Variants in FRG2C observed in about 807,000 individuals in gnomAD.
The protein encoded by FRG2C is protein FRG2-like-2.
FRG2C carries 8 observed loss-of-function variants against 14.1 expected under a neutral mutation model. That is an observed-to-expected ratio of 0.57 (90% CI 0.33 to 1.02). The LOEUF is 1.02. Among genes scored for constraint, FRG2C ranks in the 50% least tolerant of loss-of-function variants. The pLI is 0.03. For synonymous variants in FRG2C, 92 were observed against 127.4 expected (o/e 0.72, Z 1.87); for missense variants, 214 against 334.2 (o/e 0.64, Z 2.80).
rs1414006389 is a variant in FRG2C, at chr3:75,666,085, C to A, written c.*44C>A. 6.2e-7 allele frequency: 1 copy of A among 1,611,496 alleles called. No individual in the cohort carries two copies. Among genetic ancestry groups the A allele is most frequent in the Admixed American group, 1.7e-5 (1 of 59,958 alleles). ...CAGCTCTGGGAATGAGAACAAGGAC[C>A]TGCTTCTTCTCAGATTCTTCCAGAC... On this transcript the variant is annotated 3_prime_UTR_variant, in exon 4 of 4. Transcript: ENST00000308062.
intron 3 of FRG2C, 22 bp from the exon 4 acceptor site, chr3:75,665,505 C>A: frequency 3.7e-6 from 6 of 1,607,502 alleles, no homozygotes; most frequent in Non-Finnish European, 8.5e-7. Context: ...TCTGGTGAGT[C>A]TCTCACATGC....
rs1251264650 is a variant in FRG2C at position 75,664,819 on chromosome 3, C to T, written c.179C>T (p.Ala60Val). 1.2e-6 allele frequency: 2 copies of T among 1,614,186 alleles called. No homozygotes were observed. ...HSSEKHTQRQ[A>V]GSDPNPNKEN... ...GAGCCATCTAAACCTTCTCTTGCAG[C>T]AGGATCAGATCCCAATCCAAACAAG... Residue 60 changes from alanine to valine, a missense_variant and splice_region_variant, in exon 2 of 4, where the codon GCA (alanine) becomes GTA (valine). By Grantham distance (64) the Ala-to-Val change is moderately conservative. Coordinates refer to ENST00000308062, the MANE Select transcript of FRG2C (RefSeq NM_001124759.5).
chr3:75,665,035 GGTAACCT>G lies in FRG2C; in HGVS notation c.257-90_257-84del, dbSNP rs1318603137. 4.9e-4 allele frequency: 765 copies of G among 1,571,576 alleles called. No homozygotes were observed. The African/African-American group carries it at 9.5e-3, about 20-fold the overall frequency. ...GAACAGAAGAGAGCTGGGGTTTGGCGGTAACCTCAGCTCCTGTGTGTCCAGGATGGAC... is the reference window on the plus strand; with the variant it reads ...GAACAGAAGAGAGCTGGGGTTTGGCGCAGCTCCTGTGTGTCCAGGATGGAC... On this transcript the variant is annotated intron_variant, in intron 2 of 3. Coordinates refer to ENST00000308062, the MANE Select transcript of FRG2C (RefSeq NM_001124759.5).
Position 75,666,500 on chromosome 3 carries a change from C to A in FRG2C, c.*459C>A, listed in dbSNP as rs1173250355. ...GTTCAAACAATTCTCATGCCTCAGC[C>A]TCCCAAGTAGCTGGGACTACAGGCA... On this transcript the variant is annotated 3_prime_UTR_variant, in exon 4 of 4. Transcript: ENST00000308062. The A allele has an allele frequency of 4.1e-6, 1 of 242,544 alleles. No individual in the cohort carries two copies. Among genetic ancestry groups the A allele is most frequent in the Non-Finnish European group, 7.9e-6 (1 of 126,886 alleles). 15.0% of individuals were successfully genotyped at this position (242,544 alleles called of 1,614,324 possible).
chr3:75,665,492 T>A (rs1204077658), intron 3 of FRG2C, 35 bp from the exon 4 acceptor site: 13 of 1,595,828 alleles, frequency 8.1e-6, no homozygotes, highest in Non-Finnish European at 1.1e-5. Flanking sequence ...CTGTGGGGAC[T>A]GCTCTGGTGA....
rs1327236230 is a variant in FRG2C, at chr3:75,665,144, A to T, written c.275A>T (p.Tyr92Phe). 4 of 1,614,136 alleles carry T rather than the reference A, an allele frequency of 2.5e-6. No homozygotes were observed. The highest frequency in any genetic ancestry group is 2.5e-6 in the Non-Finnish European group (3 of 1,179,898). The part of the protein sequence containing the change: ...TAGSEPESSS[Y>F]QENCRKRKIS... The stretch of plus-strand genomic sequence containing the variant: ...TTCACAGAACCAGAGTCCAGCTCAT[A>T]TCAGGAAAACTGCAGGAAAAGAAAA... The change falls in exon 3 of 4, where the codon TAT becomes TTT. Residue 92 changes from tyrosine to phenylalanine, a missense_variant. Tyr to Phe is a conservative substitution (Grantham distance 22). Transcript: ENST00000308062.
At position 75,664,329 on chromosome 3, in the gene FRG2C, C is replaced by T. The variant is rs1559553144; in HGVS notation, c.-51C>T. On this transcript the variant is annotated 5_prime_UTR_variant, in exon 1 of 4. Transcript: ENST00000308062. ...AAGGCAGGTCTAGCAGACTAACCCA[C>T]ACTCTGCCTTTGGACATGTGAGAGA... The T allele has an allele frequency of 6.8e-6, 11 of 1,607,342 alleles. No individual in the cohort carries two copies. Among genetic ancestry groups the T allele is most frequent in the African/African-American group, 1.4e-5 (1 of 70,808 alleles).
Position 75,665,729 on chromosome 3 carries a change from T to A in FRG2C, c.537T>A (p.Ser179=). Residue 179 remains serine, a synonymous_variant, in exon 4 of 4, where the codon TCT becomes TCA. Transcript: ENST00000308062. ...CACTTCGAAAAAGCTTGGTGACCTC[T>A]GTGCGAGCTATGTCGGAGGCTGTTT... ...TPSLRKSLVT[S]VRAMSEAVYQ... is the part of the protein sequence containing the mutation. 6.2e-7 allele frequency: 1 copy of A among 1,614,066 alleles called. No individual in the cohort carries two copies. Among genetic ancestry groups the A allele is most frequent in the Non-Finnish European group, 8.5e-7 (1 of 1,179,882 alleles).
chr3:75,665,659 G>A lies in FRG2C; in HGVS notation c.467G>A (p.Arg156His), dbSNP rs1156667983. 8.7e-6 allele frequency: 14 copies of A among 1,613,938 alleles called. No homozygotes were observed. The highest frequency in any genetic ancestry group is 2.2e-5 in the East Asian group (1 of 44,904). ...GGAAGTTCCAGGGCTTGCACTGGGC[G>A]CAGCAAGCGGCATAGGTCTCGGGCC... ...HRGSSRACTGRSKRHRSRALE... is the reference protein window; with the variant it reads ...HRGSSRACTGHSKRHRSRALE... Residue 156 changes from arginine to histidine, a missense_variant, in exon 4 of 4, where the codon CGC becomes CAC. By Grantham distance (29) the Arg-to-His change is conservative. This residue lies in a region of FRG2C where 136 missense variants were observed against 148.1 expected (regional missense o/e 0.92). Transcript: ENST00000308062.
intron 3 of FRG2C, 52 bp from the exon 4 acceptor site, chr3:75,665,475 T>C: frequency 6.3e-7 from 1 of 1,575,806 alleles, no homozygotes; most frequent in Non-Finnish European, 8.6e-7. Flanking sequence ...GTTCTGGAAA[T>C]GAGGGTCTGT....
intron 1 of FRG2C, 86 bp downstream of exon 1, chr3:75,664,643 T>A: frequency 6.2e-7 from 1 of 1,607,286 alleles, no homozygotes. Context: ...AGGGTTTTAT[T>A]TTGAGATTTG....
Position 75,666,263 on chromosome 3 carries a change from A to C in FRG2C, c.*222A>C. ...AGACAAATTTTATATTTCATGTTAGACATTTGATACCTTTTGGATGTCTGA... is the reference window on the plus strand; with the variant it reads ...AGACAAATTTTATATTTCATGTTAGCCATTTGATACCTTTTGGATGTCTGA... On this transcript the variant is annotated 3_prime_UTR_variant, in exon 4 of 4. Transcript: ENST00000308062. 1 of 941,208 alleles carries C rather than the reference A, an allele frequency of 1.1e-6. No homozygotes were observed. The allele number at this position is 941,208 out of a possible 1,614,324, so 58.3% of individuals were successfully genotyped here.
rs1364990879 is a variant in FRG2C at position 75,665,200 on chromosome 3, G to A, written c.331G>A (p.Ala111Thr). The stretch of plus-strand genomic sequence containing the variant: ...TTCCAAGGATATCTGCCAAGACAGA[G>A]CAGGTAGAATCTTGGTGTTTGTTGT... ...ISSKDICQDR[A>T]GNCPEEECNL... The change falls in exon 3 of 4, where the codon GCA becomes ACA. Residue 111 changes from alanine (A) to threonine (T), a missense_variant. Ala to Thr is a moderately conservative substitution (Grantham distance 58). Around this residue, in one of 3 missense-constraint regions of FRG2C, gnomAD observed 136 missense variants for 148.1 expected, o/e 0.92. Transcript: ENST00000308062. The A allele has an allele frequency of 6.2e-7, 1 of 1,614,000 alleles. No homozygotes were observed. Among genetic ancestry groups the A allele is most frequent in the African/African-American group, 1.3e-5 (1 of 74,962 alleles).
intron 3 of FRG2C, 125 bp from the exon 4 acceptor site, chr3:75,665,402 C>G: frequency 3.3e-6 from 5 of 1,494,094 alleles, no homozygotes; most frequent in Non-Finnish European, 4.5e-6. Context: ...CACTTCATTC[C>G]AGTCCTGAGA....
Position 75,666,704 on chromosome 3 carries a change from AG to A in FRG2C, c.*665del, listed in dbSNP as rs1937116200. The A allele has an allele frequency of 6.6e-6, 1 of 150,908 alleles. No individual in the cohort carries two copies. The highest frequency in any genetic ancestry group is 2.1e-4 in the South Asian group (1 of 4,810). The allele number at this position is 150,908 out of a possible 1,614,324, so 9.3% of individuals were successfully genotyped here. A position where few individuals can be genotyped will look rare whatever the true frequency, so the allele number is the denominator to read the frequency against. On this transcript the variant is annotated 3_prime_UTR_variant, in exon 4 of 4. Coordinates refer to ENST00000308062, the MANE Select transcript of FRG2C (RefSeq NM_001124759.5). ...TCTCTTTTAATTCGGAAAAGGTTGT[AG>A]GCTCTTCCAGCCTGAACCCATGGAG... is the stretch of plus-strand genomic sequence containing the variant.
Position 75,665,234 on chromosome 3 carries a change from G to T in FRG2C, c.334+31G>T, listed in dbSNP as rs199581602. 3,734 of 1,607,132 alleles carry T rather than the reference G, an allele frequency of 2.3e-3. No individual in the cohort carries two copies. The East Asian group carries it at 0.059, about 25-fold the overall frequency. ...ATCTTGGTGTTTGTTGTTGTTGGTGGTGGTGGTGGTTTTTTTGTTTTTGGT... is the reference window on the plus strand; with the variant it reads ...ATCTTGGTGTTTGTTGTTGTTGGTGTTGGTGGTGGTTTTTTTGTTTTTGGT... On this transcript the variant is annotated intron_variant, in intron 3 of 3. Coordinates refer to ENST00000308062, the MANE Select transcript of FRG2C (RefSeq NM_001124759.5).
At chr3:75,665,323 T>C in intron 3 of FRG2C, 120 bp downstream of exon 3, 6 of 1,431,250 alleles carry the variant, frequency 4.2e-6, no homozygotes, top group Non-Finnish European at 5.8e-6. Context: ...GGGAATTACT[T>C]ATTGACAAGT....
In FRG2C at chr3:75,667,089, G is replaced by A. The variant is rs1937131799; in HGVS notation, c.*1048G>A. 1 of 152,318 alleles carries A rather than the reference G, an allele frequency of 6.6e-6. No homozygotes were observed. The highest frequency in any genetic ancestry group is 6.5e-5 in the Admixed American group (1 of 15,292). 9.4% of individuals were successfully genotyped at this position (152,318 alleles called of 1,614,324 possible). ...GATCATACAATCTTTCATTATCTAA[G>A]TGTATTAATGACTTGTTTGGTTGCT... On this transcript the variant is annotated 3_prime_UTR_variant, in exon 4 of 4. Coordinates refer to ENST00000308062, the MANE Select transcript of FRG2C (RefSeq NM_001124759.5).
Position 75,665,652 on chromosome 3 carries a change from A to C in FRG2C, c.460A>C (p.Thr154Pro). 6.2e-7 allele frequency: 1 copy of C among 1,614,072 alleles called. No individual in the cohort carries two copies. Among genetic ancestry groups the C allele is most frequent in the Admixed American group, 1.7e-5 (1 of 60,028 alleles). The change falls in exon 4 of 4, where the codon ACT becomes CCT. Residue 154 changes from threonine to proline, a missense_variant. Physicochemically the swap from Thr to Pro is conservative, Grantham distance 38. Coordinates refer to ENST00000308062, the MANE Select transcript of FRG2C (RefSeq NM_001124759.5). ...CCATAGGGGAAGTTCCAGGGCTTGCACTGGGCGCAGCAAGCGGCATAGGTC... is the reference window on the plus strand; with the variant it reads ...CCATAGGGGAAGTTCCAGGGCTTGCCCTGGGCGCAGCAAGCGGCATAGGTC... ...AHHRGSSRAC[T>P]GRSKRHRSRA...
Sources: gnomAD v4.1 joint callset for allele counts on GRCh38, gnomAD v4.1.1 for gene constraint, gnomAD v4.1.1 regional missense constraint, MANE v1.5 for transcripts, NCBI Gene and HGNC (gene_info 2026-07-23, HGNC 2026-07-21) for gene names.